The following CMPK1 variants were observed in gnomAD, a reference collection of about 807,000 sequenced individuals.
CMPK1 encodes the protein cytidine/uridine monophosphate kinase 1, also known as UMP-CMP kinase.
Under a neutral mutation model 25.7 loss-of-function variants are expected in CMPK1, and 10 were observed. The ratio of observed to expected loss-of-function variants is 0.39; its 90% CI spans 0.24 to 0.66. The LOEUF is 0.66. Ranked by LOEUF, CMPK1 falls within the 30% of genes least tolerant of loss-of-function variation. CMPK1 has a pLI of 0.48. For synonymous variants in CMPK1, 106 were observed against 101.5 expected (o/e 1.04, Z -0.27); for missense variants, 199 against 280.5 (o/e 0.71, Z 2.08).
At chr1:47,356,987 C>A (rs2820990) in intron 1 of CMPK1, among the ~76,000 whole-genome samples, 2 of 146,256 alleles carry the variant, frequency 1.4e-5, no homozygotes, top group Non-Finnish European at 3.0e-5. Context: ...TTTTTGAGAC[C>A]GAGTCTTGCC....
chr1:47,362,538 C>T (rs796511768), intron 1 of CMPK1, among the ~76,000 whole-genome samples: 19 of 151,690 alleles, frequency 1.3e-4, no homozygotes, highest in African/African-American at 3.4e-4. Flanking sequence ...CTGCAACCTC[C>T]GCCTCCCGGG....
rs6795 is a variant in CMPK1, at chr1:47,378,792, G to A, written c.*2047G>A. The A allele has an allele frequency of 0.39, 60,024 of 152,096 alleles. 14,711 individuals carry two copies. The highest frequency in any genetic ancestry group is 0.53 in the Non-Finnish European group (35,817 of 67,952). The allele number at this position is 152,096 out of a possible 1,614,324, so 9.4% of individuals were successfully genotyped here. Reference sequence around the variant, plus strand: ...ATTCAGTGATGTTGGATGTATATCAGTTATTTAGTAAATAATCTCAATAAA... The same window carrying A: ...ATTCAGTGATGTTGGATGTATATCAATTATTTAGTAAATAATCTCAATAAA... On this transcript the variant is annotated 3_prime_UTR_variant, in exon 6 of 6. Transcript: ENST00000371873.
rs139873040 is a variant in CMPK1, at chr1:47,372,095, T to A, written c.319-860T>A. ...TTAGTTCACATCCTCTTTTTTCCTA[T>A]TTTTTTTTTTTTTTGAGACAGAGTC... On this transcript the variant is annotated intron_variant, in intron 2 of 5. Transcript: ENST00000371873. 8.8e-3 allele frequency among the ~76,000 whole-genome samples: 1,196 copies of A among 136,406 alleles called. 15 individuals carry two copies. The highest frequency in any genetic ancestry group is 0.03 in the African/African-American group (1,143 of 38,060). 89.5% of individuals were successfully genotyped at this position (136,406 alleles called of 152,430 possible).
chr1:47,358,871 G>A (rs1646581283), intron 1 of CMPK1: 1 of 984,618 alleles, frequency 1.0e-6, no homozygotes, highest in African/African-American at 1.7e-5. Context: ...TTCCTAAAGA[G>A]CACCTGAGAT....
intron 1 of CMPK1, among the ~76,000 whole-genome samples, chr1:47,350,718 C>CA (rs1646516888): frequency 6.6e-6 from 1 of 151,926 alleles, no homozygotes; most frequent in Non-Finnish European, 1.5e-5. Context: ...CATGGTGAAA[C>CA]ACCGTCTCTA....
At chr1:47,338,497 CTCCT>C (rs142999323) in intron 1 of CMPK1, among the ~76,000 whole-genome samples, 2 of 138,954 alleles carry the variant, frequency 1.4e-5, no homozygotes, top group Admixed American at 7.4e-5. Context: ...GTTTGCTTTT[CTCCT>C]TCCTTCCTTC....
chr1:47,375,539 G>GT (rs940188480), intron 5 of CMPK1, among the ~76,000 whole-genome samples: 1 of 151,980 alleles, frequency 6.6e-6, no homozygotes, highest in Non-Finnish European at 1.5e-5. Context: ...AAAAATTAGG[G>GT]TTTTTTTCCT....
intron 1 of CMPK1, among the ~76,000 whole-genome samples, chr1:47,350,578 A>T (rs1024986895): frequency 2.6e-5 from 4 of 151,906 alleles, no homozygotes; most frequent in African/African-American, 9.7e-5. Flanking sequence ...TTTAAAGTAG[A>T]GTGTGCGTAC....
rs201165813 is a variant in CMPK1, at chr1:47,342,674, G to T, written c.171+8558G>T. On this transcript the variant is annotated intron_variant, in intron 1 of 5. Transcript: ENST00000371873. ...CTTTTTTTTTTTTTTTTTTGAGACAGGGTCTCACTCTGTTGCCCAGCCTGG... is the reference window on the plus strand; with the variant it reads ...CTTTTTTTTTTTTTTTTTTGAGACATGGTCTCACTCTGTTGCCCAGCCTGG... Among the ~76,000 whole-genome samples the T allele has an allele frequency of 2.2e-4, 29 of 130,816 alleles. No individual in the cohort carries two copies. In the East Asian group the frequency reaches 5.4e-3, roughly 24 times the overall value. 85.8% of individuals were successfully genotyped at this position (130,816 alleles called of 152,430 possible). A position where few individuals can be genotyped will look rare whatever the true frequency, so the allele number is the denominator to read the frequency against.
At chr1:47,346,352 G>A (rs1033510230) in intron 1 of CMPK1, among the ~76,000 whole-genome samples, 25 of 151,966 alleles carry the variant, frequency 1.6e-4, no homozygotes, top group African/African-American at 4.6e-4. Flanking sequence ...GAGCTACTGC[G>A]CCCAGCCTAA....
rs865961017 is a variant in CMPK1 at position 47,334,037 on chromosome 1, G to T, written c.92G>T (p.Arg31Leu). Residue 31 changes from arginine to leucine, a missense_variant, in exon 1 of 6, where the codon CGT (arginine) becomes CTT (leucine). This residue lies in a region of CMPK1 where 59 missense variants were observed against 45.1 expected (regional missense o/e 1.31). Transcript: ENST00000371873. ...CGGCCGATTCTCCTCTGCTCTCCAC[G>T]TCTCATGAAGCCGCTGGTCGTGTTC... is the stretch of plus-strand genomic sequence containing the variant. ...TRRPILLCSPRLMKPLVVFVL... is the reference protein window; with the variant it reads ...TRRPILLCSPLLMKPLVVFVL... 1 of 1,553,676 alleles carries T rather than the reference G, an allele frequency of 6.4e-7. No individual in the cohort carries two copies. The highest frequency in any genetic ancestry group is 8.7e-7 in the Non-Finnish European group (1 of 1,149,984).
intron 1 of CMPK1, among the ~76,000 whole-genome samples, chr1:47,365,900 T>C (rs1557429833): frequency 6.6e-6 from 1 of 152,016 alleles, no homozygotes; most frequent in Admixed American, 6.6e-5. Flanking sequence ...CACTAGAAAA[T>C]TACTATCTTT....
intron 1 of CMPK1, among the ~76,000 whole-genome samples, chr1:47,363,352 G>T (rs1646616184): frequency 6.6e-6 from 1 of 152,188 alleles, no homozygotes; most frequent in South Asian, 2.1e-4. Flanking sequence ...TTGAGGTTGG[G>T]TGTGGTGCCT....
intron 1 of CMPK1, among the ~76,000 whole-genome samples, chr1:47,343,423 G>A (rs567415232): frequency 6.6e-6 from 1 of 151,552 alleles, no homozygotes; most frequent in Non-Finnish European, 1.5e-5. Flanking sequence ...TAGGAGAATC[G>A]CTTGAACCTG....
chr1:47,339,070 G>A (rs1646420639), intron 1 of CMPK1, among the ~76,000 whole-genome samples: 2 of 146,438 alleles, frequency 1.4e-5, no homozygotes, highest in South Asian at 2.1e-4. Context: ...TTTTGAGAGA[G>A]GGTCTCACTC....
At chr1:47,337,881 G>C (rs3122622) in intron 1 of CMPK1, among the ~76,000 whole-genome samples, 19,807 of 152,104 alleles carry the variant, frequency 0.13, 4,204 homozygotes, top group African/African-American at 0.45. Flanking sequence ...AAAGTGCTGG[G>C]ATTACAGGTG....
intron 1 of CMPK1, among the ~76,000 whole-genome samples, chr1:47,350,671 A>G (rs3125643): frequency 0.97 from 148,146 of 152,104 alleles, 72,241 homozygotes; most frequent in East Asian, 1. Flanking sequence ...GAGGTGGGCG[A>G]ATCACGAGGT....
Position 47,339,755 on chromosome 1 carries a change from G to A in CMPK1, c.171+5639G>A, listed in dbSNP as rs189168122. Among the ~76,000 whole-genome samples, 6 of 143,258 alleles carry A rather than the reference G, an allele frequency of 4.2e-5. No individual in the cohort carries two copies. The East Asian group carries it at 8.3e-4, about 20-fold the overall frequency. 94.0% of individuals were successfully genotyped at this position (143,258 alleles called of 152,430 possible). ...CAGAGCCTTACTCTGTCGCCCAGACGGGAGTGCAGTGGCATGATCTCGGCT... is the reference window on the plus strand; with the variant it reads ...CAGAGCCTTACTCTGTCGCCCAGACAGGAGTGCAGTGGCATGATCTCGGCT... On this transcript the variant is annotated intron_variant, in intron 1 of 5. Coordinates refer to ENST00000371873, the MANE Select transcript of CMPK1 (RefSeq NM_016308.3).
rs1435833631 is a variant in CMPK1, at chr1:47,378,033, A to T, written c.*1288A>T. ...AATGTTTCTTATTTTCAGCACTTAC[A>T]TCATTTGGTACACAGGGTCAAATAG... On this transcript the variant is annotated 3_prime_UTR_variant, in exon 6 of 6. Coordinates refer to ENST00000371873, the MANE Select transcript of CMPK1 (RefSeq NM_016308.3). 1 of 152,182 alleles carries T rather than the reference A, an allele frequency of 6.6e-6. No homozygotes were observed. Among genetic ancestry groups the T allele is most frequent in the African/African-American group, 2.4e-5 (1 of 41,446 alleles). 9.4% of individuals were successfully genotyped at this position (152,182 alleles called of 1,614,324 possible).
Sources: gnomAD v4.1 joint callset for allele counts (sites outside exome capture counted in the v4.1 genomes callset) on GRCh38, gnomAD v4.1.1 for gene constraint, gnomAD v4.1.1 regional missense constraint, MANE v1.5 for transcripts, NCBI Gene and HGNC (gene_info 2026-07-23, HGNC 2026-07-21) for gene names.